The following SIM2 variants were observed in gnomAD, a reference collection of about 807,000 sequenced individuals.
The protein encoded by SIM2 is single-minded homolog 2.
In SIM2, 28 loss-of-function variants were observed where a neutral mutation model predicts 64.8. The ratio of observed to expected loss-of-function variants is 0.43; its 90% CI spans 0.32 to 0.59. The LOEUF (loss-of-function observed/expected upper bound fraction) is 0.59, where lower values mean the gene tolerates loss of function less well. Among genes scored for constraint, SIM2 ranks in the 20% least tolerant of loss-of-function variants. The pLI is 0.07. For missense variants in SIM2, 847 were observed against 871.4 expected (o/e 0.97, Z 0.35); for synonymous variants, 408 against 391.1 (o/e 1.04, Z -0.51).
At chr21:36,720,406 C>G (rs2088809694) in intron 4 of SIM2, 1 of 156,534 alleles carries the variant, frequency 6.4e-6, no homozygotes, top group African/African-American at 2.4e-5. Flanking sequence ...TCTTGGGGTC[C>G]CTAGTACCTG....
intron 3 of SIM2, among the ~76,000 whole-genome samples, chr21:36,714,549 T>C (rs1185829853): frequency 6.6e-6 from 1 of 152,170 alleles, no homozygotes; most frequent in African/African-American, 2.4e-5. Flanking sequence ...TCATGTGATT[T>C]ACAAACTACA....
At chr21:36,716,054 A>G (rs2088742418) in intron 3 of SIM2, among the ~76,000 whole-genome samples, 2 of 152,232 alleles carry the variant, frequency 1.3e-5, no homozygotes, top group African/African-American at 2.4e-5. Flanking sequence ...TCAGCCTGAA[A>G]ACTCCCGTTG....
chr21:36,716,060 C>T (rs542137809), intron 3 of SIM2, among the ~76,000 whole-genome samples: 12 of 152,310 alleles, frequency 7.9e-5, no homozygotes, highest in Non-Finnish European at 1.5e-4. Context: ...TGAAAACTCC[C>T]GTTGGTGGGC....
At chr21:36,708,479 C>G (rs7282502) in intron 1 of SIM2, among the ~76,000 whole-genome samples, 4,249 of 152,288 alleles carry the variant, frequency 0.028, 200 homozygotes, top group African/African-American at 0.096. Flanking sequence ...CTTTCCAGTT[C>G]GGCCTGTGGC....
At position 36,748,249 on chromosome 21, in the gene SIM2, C is replaced by A. The variant is rs1222738127; in HGVS notation, c.*157C>A. On this transcript the variant is annotated 3_prime_UTR_variant, in exon 11 of 11. Transcript: ENST00000290399. ...TTGCGGATTTCCACCGCGGAGGCCCCGCGCGCCGGTGCCGAGGGCCGAGGA... is the reference window on the plus strand; with the variant it reads ...TTGCGGATTTCCACCGCGGAGGCCCAGCGCGCCGGTGCCGAGGGCCGAGGA... The A allele has an allele frequency of 1.7e-5, 6 of 349,370 alleles. No individual in the cohort carries two copies. The highest frequency in any genetic ancestry group is 2.6e-5 in the Non-Finnish European group (6 of 230,354). The allele number at this position is 349,370 out of a possible 1,614,324, so 21.6% of individuals were successfully genotyped here. A position where few individuals can be genotyped will look rare whatever the true frequency, so the allele number is the denominator to read the frequency against.
chr21:36,739,169 A>G (rs148969368), intron 7 of SIM2, among the ~76,000 whole-genome samples: 3 of 152,358 alleles, frequency 2.0e-5, no homozygotes, highest in African/African-American at 7.2e-5. Context: ...AAAAGTTAAT[A>G]TGTATTGAGC....
intron 1 of SIM2, among the ~76,000 whole-genome samples, chr21:36,708,927 A>G (rs960778863): frequency 2.6e-5 from 4 of 152,164 alleles, no homozygotes; most frequent in African/African-American, 9.6e-5. Flanking sequence ...GCAGGCTCGC[A>G]CAGGCGCCCG....
chr21:36,707,456 T>G (rs2088600998), intron 1 of SIM2, among the ~76,000 whole-genome samples: 2 of 151,974 alleles, frequency 1.3e-5, no homozygotes, highest in Non-Finnish European at 2.9e-5. Flanking sequence ...CCCCGAATAA[T>G]GAGCTGTGAT....
At chr21:36,735,682 T>G (rs2089035905) in intron 7 of SIM2, among the ~76,000 whole-genome samples, 1 of 152,168 alleles carries the variant, frequency 6.6e-6, no homozygotes, top group Non-Finnish European at 1.5e-5. Context: ...TGGGTCCTGA[T>G]GGGGACTTGG....
intron 7 of SIM2, among the ~76,000 whole-genome samples, chr21:36,738,777 C>T (rs2089111106): frequency 6.6e-6 from 1 of 152,226 alleles, no homozygotes. Context: ...GAGAAGCAAA[C>T]CCCCAAAGGA....
In SIM2 at chr21:36,699,660, C is replaced by T. The variant is rs1378959158; in HGVS notation, c.-87C>T. On this transcript the variant is annotated 5_prime_UTR_variant, in exon 1 of 11. Coordinates refer to ENST00000290399, the MANE Select transcript of SIM2 (RefSeq NM_005069.6). The surrounding 1 kb of genome is among the most constrained non-coding windows in gnomAD (Gnocchi z 5.6). Reference sequence around the variant, plus strand: ...CGGACTCACCTGGCTCCCGGCTCCCCCTTCCCCATCCCCGCCGCCGCAGCC... The same window carrying T: ...CGGACTCACCTGGCTCCCGGCTCCCTCTTCCCCATCCCCGCCGCCGCAGCC... The T allele has an allele frequency of 1.7e-5, 25 of 1,483,986 alleles. No homozygotes were observed. The highest frequency in any genetic ancestry group is 6.3e-5 in the Admixed American group (3 of 47,712). 91.9% of individuals were successfully genotyped at this position (1,483,986 alleles called of 1,614,324 possible).
intron 5 of SIM2, among the ~76,000 whole-genome samples, chr21:36,723,437 A>T (rs912668646): frequency 2.0e-5 from 3 of 152,184 alleles, no homozygotes; most frequent in Non-Finnish European, 4.4e-5. Flanking sequence ...TCTGGAGTTT[A>T]TAGAGGCCCA....
intron 1 of SIM2, among the ~76,000 whole-genome samples, chr21:36,706,668 G>C (rs2088588295): frequency 6.6e-6 from 1 of 152,116 alleles, no homozygotes; most frequent in African/African-American, 2.4e-5. Flanking sequence ...ATTTTTATGG[G>C]CTGAGTGAAA....
intron 6 of SIM2, among the ~76,000 whole-genome samples, chr21:36,727,271 G>A (rs2088904742): frequency 6.6e-6 from 1 of 152,054 alleles, no homozygotes; most frequent in Admixed American, 6.5e-5. Flanking sequence ...CTGACCTCAG[G>A]TGATCCGCCC....
At chr21:36,705,057 G>A (rs901691460) in intron 1 of SIM2, among the ~76,000 whole-genome samples, 1 of 152,200 alleles carries the variant, frequency 6.6e-6, no homozygotes, top group Non-Finnish European at 1.5e-5. Context: ...CGAGAACCTG[G>A]CCCCAAACTC....
At position 36,722,142 on chromosome 21, in the gene SIM2, A is replaced by G. The variant is rs1469216129; in HGVS notation, c.458-903A>G. On this transcript the variant is annotated intron_variant, in intron 4 of 10. Coordinates refer to ENST00000290399, the MANE Select transcript of SIM2 (RefSeq NM_005069.6). ...TTGGTAATTGATGACCAGTTGATGTATTTTTAGACCTGAGCTTCCACCCAC... is the reference window on the plus strand; with the variant it reads ...TTGGTAATTGATGACCAGTTGATGTGTTTTTAGACCTGAGCTTCCACCCAC... Among the ~76,000 whole-genome samples the G allele has an allele frequency of 1.3e-5, 2 of 152,126 alleles. 1 individual carries two copies. Among genetic ancestry groups the G allele is most frequent in the East Asian group, 3.9e-4 (2 of 5,184 alleles).
At chr21:36,719,516 C>G (rs947419107) in intron 3 of SIM2, among the ~76,000 whole-genome samples, 1 of 152,148 alleles carries the variant, frequency 6.6e-6, no homozygotes, top group Non-Finnish European at 1.5e-5. Flanking sequence ...AGGCCAGCAG[C>G]GCCGCCCACC....
intron 6 of SIM2, among the ~76,000 whole-genome samples, chr21:36,729,104 C>T (rs1032165917): frequency 1.3e-5 from 2 of 152,340 alleles, no homozygotes; most frequent in East Asian, 1.9e-4. Context: ...ATTTTTAAAG[C>T]CAGTGTGTAC....
intron 3 of SIM2, 102 bp downstream of exon 3, chr21:36,712,724 G>GAAAC (rs2088694144): frequency 1.3e-6 from 1 of 761,348 alleles, no homozygotes; most frequent in South Asian, 1.7e-5. Flanking sequence ...TTAAGTGTTT[G>GAAAC]CTTTTGTGTA....
Sources: gnomAD v4.1 joint callset for allele counts (sites outside exome capture counted in the v4.1 genomes callset) on GRCh38, gnomAD v4.1.1 for gene constraint, Gnocchi (gnomAD v3.1) non-coding constraint, MANE v1.5 for transcripts, NCBI Gene and HGNC (gene_info 2026-07-23, HGNC 2026-07-21) for gene names.